The following ZFYVE19 variants were observed in gnomAD, a reference collection of about 807,000 sequenced individuals.
ZFYVE19 encodes zinc finger FYVE-type containing 19.
ZFYVE19 carries 49 observed loss-of-function variants against 62.8 expected under a neutral mutation model. That is an observed-to-expected ratio of 0.78 (90% CI 0.62 to 0.99). ZFYVE19 has a LOEUF of 0.99. Ranked by LOEUF, ZFYVE19 falls within the 50% of genes least tolerant of loss-of-function variation. The probability of loss-of-function intolerance (pLI) is 0.00; values close to 1 mark genes in which losing one functional copy is unlikely to be tolerated. For synonymous variants in ZFYVE19, 242 were observed against 234.3 expected (o/e 1.03, Z -0.30); for missense variants, 630 against 601.9 (o/e 1.05, Z -0.49).
intron 8 of ZFYVE19, 57 bp downstream of exon 8, chr15:40,813,474 C>T (rs1183558915): frequency 1.3e-6 from 2 of 1,494,916 alleles, no homozygotes; most frequent in South Asian, 1.2e-5. Context: ...CATTGCCCCA[C>T]CTCTACTCTG....
rs931291234 is a variant in ZFYVE19, at chr15:40,807,147, C to T, written c.-443C>T. 33 of 1,157,878 alleles carry T rather than the reference C, an allele frequency of 2.9e-5. No homozygotes were observed. The African/African-American group carries it at 5.0e-4, about 17-fold the overall frequency. 71.7% of individuals were successfully genotyped at this position (1,157,878 alleles called of 1,614,324 possible). A position where few individuals can be genotyped will look rare whatever the true frequency, so the allele number is the denominator to read the frequency against. On this transcript the variant is annotated 5_prime_UTR_variant, in exon 1 of 11. Coordinates refer to ENST00000355341, the MANE Select transcript of ZFYVE19 (RefSeq NM_001077268.2). ...GACAGGGGCCACGGGGAGAGCACAG[C>T]CACCCGGCGCGAAGAGCCCTCTGTA...
At chr15:40,808,555 A>G (rs1425331586) in intron 1 of ZFYVE19, 1 of 863,370 alleles carries the variant, frequency 1.2e-6, no homozygotes, top group South Asian at 1.8e-5. Context: ...CTTGGTTTGG[A>G]TAAGTTATGT....
chr15:40,813,464 C>T (rs768420234), intron 8 of ZFYVE19, 47 bp downstream of exon 8: 11 of 1,529,462 alleles, frequency 7.2e-6, no homozygotes, highest in Admixed American at 1.9e-5. Flanking sequence ...GTCTCCGCCT[C>T]ATTGCCCCAC....
intron 8 of ZFYVE19, 76 bp from the exon 9 acceptor site, chr15:40,813,637 C>T: frequency 7.3e-7 from 1 of 1,378,628 alleles, no homozygotes; most frequent in Non-Finnish European, 1.0e-6. Context: ...GCTAAGTCCA[C>T]AGTGCACAGA....
chr15:40,814,341 C>A lies in ZFYVE19; in HGVS notation c.*115C>A. On this transcript the variant is annotated 3_prime_UTR_variant, in exon 11 of 11. Transcript: ENST00000355341. ...TCTGGCTCTACTGATGATGGATAGG[C>A]CCCTTCCTGAGCCTTGGTGTCCCTG... The A allele has an allele frequency of 8.5e-7, 1 of 1,174,344 alleles. No homozygotes were observed. 72.7% of individuals were successfully genotyped at this position (1,174,344 alleles called of 1,614,324 possible). A position where few individuals can be genotyped will look rare whatever the true frequency, so the allele number is the denominator to read the frequency against.
At chr15:40,809,090 G>A in intron 1 of ZFYVE19, 29 bp from the exon 2 acceptor site, 5 of 1,610,610 alleles carry the variant, frequency 3.1e-6, no homozygotes, top group Non-Finnish European at 4.2e-6. Context: ...CGGGTGAGAG[G>A]GGGATCTCCC....
rs553092075 is a variant in ZFYVE19 at position 40,813,367 on chromosome 15, A to G, written c.1060A>G (p.Ser354Gly). The change falls in exon 8 of 11, where the codon AGT (serine) becomes GGT (glycine). Residue 354 changes from serine (S) to glycine (G), a missense_variant. Transcript: ENST00000355341. The part of the protein sequence containing the change: ...VTLQDYRLPD[S>G]DDDEDEETAI... ...CCTCCAGGACTATCGCCTCCCAGAC[A>G]GTGATGACGACGAGGATGAGGAGAC... The G allele has an allele frequency of 3.5e-5, 56 of 1,613,014 alleles. No individual in the cohort carries two copies. The highest frequency in any genetic ancestry group is 1.3e-4 in the East Asian group (6 of 44,838).
intron 1 of ZFYVE19, chr15:40,808,297 C>G: frequency 1.9e-6 from 3 of 1,597,852 alleles, no homozygotes; most frequent in Non-Finnish European, 2.5e-6. Context: ...ACCACACTTC[C>G]TCCTGCTTCC....
chr15:40,811,453 G>T (rs903865204), intron 6 of ZFYVE19, among the ~76,000 whole-genome samples: 7 of 152,140 alleles, frequency 4.6e-5, no homozygotes, highest in African/African-American at 1.4e-4. Context: ...TAGAAGCCAG[G>T]GATGCTACTA....
In ZFYVE19 at chr15:40,809,427, T is replaced by G. The variant is rs950178758; in HGVS notation, c.421T>G (p.Ser141Ala). 1 of 1,613,958 alleles carries G rather than the reference T, an allele frequency of 6.2e-7. No homozygotes were observed. Among genetic ancestry groups the G allele is most frequent in the African/African-American group, 1.3e-5 (1 of 74,896 alleles). Reference sequence around the variant, plus strand: ...CTGTAGAGGGTCTTCTGCCAATGCCTCCAAGTGGTCACCACCTCAGAACTA... The same window carrying G: ...CTGTAGAGGGTCTTCTGCCAATGCCGCCAAGTGGTCACCACCTCAGAACTA... Reference protein sequence around the residue: ...VLTRGSSANASKWSPPQNYKK... With the variant: ...VLTRGSSANAAKWSPPQNYKK... Residue 141 changes from serine to alanine, a missense_variant, in exon 3 of 11, where the codon TCC (serine) becomes GCC (alanine). Physicochemically the swap from Ser to Ala is moderately conservative, Grantham distance 99 (BLOSUM62 1). Coordinates refer to ENST00000355341, the MANE Select transcript of ZFYVE19 (RefSeq NM_001077268.2).
intron 5 of ZFYVE19, 69 bp downstream of exon 5, chr15:40,810,285 G>A (rs1890443528): frequency 6.4e-7 from 1 of 1,565,286 alleles, no homozygotes; most frequent in Admixed American, 2.0e-5. Flanking sequence ...CCAGATACAG[G>A]TATTGGGGTG....
Position 40,810,210 on chromosome 15 carries a change from C to G in ZFYVE19, c.711C>G (p.Pro237=), listed in dbSNP as rs773970404. 1 of 1,614,148 alleles carries G rather than the reference C, an allele frequency of 6.2e-7. No homozygotes were observed. Among genetic ancestry groups the G allele is most frequent in the Non-Finnish European group, 8.5e-7 (1 of 1,180,020 alleles). Reference sequence around the variant, plus strand: ...GCAGAGTTCTACCTTCTCAAACCCCCCAGCCGGTGAGTGTTATGGCTTAGG... The same window carrying G: ...GCAGAGTTCTACCTTCTCAAACCCCGCAGCCGGTGAGTGTTATGGCTTAGG... ...LQGRVLPSQT[P]QPAHHTPDTR... is the part of the protein sequence containing the mutation. Residue 237 remains proline, a synonymous_variant, in exon 5 of 11, where the codon CCC becomes CCG. Coordinates refer to ENST00000355341, the MANE Select transcript of ZFYVE19 (RefSeq NM_001077268.2).
Position 40,807,302 on chromosome 15 carries a change from C to T in ZFYVE19, c.-288C>T, listed in dbSNP as rs539893089. The T allele has an allele frequency of 4.2e-5, 68 of 1,613,384 alleles. No individual in the cohort carries two copies. The African/African-American group carries it at 8.8e-4, about 21-fold the overall frequency. On this transcript the variant is annotated 5_prime_UTR_variant, in exon 1 of 11. Transcript: ENST00000355341. ...CCTGGAGAGCGGATGCCAGCAGTGGCCGAGGCGCTAGGACAGGAAGGACCG... is the reference window on the plus strand; with the variant it reads ...CCTGGAGAGCGGATGCCAGCAGTGGTCGAGGCGCTAGGACAGGAAGGACCG...
intron 6 of ZFYVE19, among the ~76,000 whole-genome samples, chr15:40,812,138 C>A (rs1437079498): frequency 6.6e-6 from 1 of 152,162 alleles, no homozygotes; most frequent in Non-Finnish European, 1.5e-5. Flanking sequence ...TTGGAAAAGA[C>A]ATGGGTAAAA....
In ZFYVE19 at chr15:40,809,835, A is replaced by G. The variant is rs752408505; in HGVS notation, c.453-17A>G. 1.4e-5 allele frequency: 22 copies of G among 1,613,026 alleles called. No homozygotes were observed. Among genetic ancestry groups the G allele is most frequent in the Non-Finnish European group, 1.7e-5 (20 of 1,179,100 alleles). On this transcript the variant is annotated splice_polypyrimidine_tract_variant and intron_variant, in intron 3 of 10. Coordinates refer to ENST00000355341, the MANE Select transcript of ZFYVE19 (RefSeq NM_001077268.2). ...CCCTCTGCCTTCTTCAAGAGCCTCT[A>G]TCTCATATCCTGCCAGGCGTGTGGC...
chr15:40,811,741 T>C (rs556835252), intron 6 of ZFYVE19, among the ~76,000 whole-genome samples: 1 of 152,330 alleles, frequency 6.6e-6, no homozygotes, highest in East Asian at 1.9e-4. Context: ...CATACTATTC[T>C]TTTTTATAAA....
At chr15:40,812,605 AAAAAG>A (rs1317698412) in intron 6 of ZFYVE19, 89 bp from the exon 7 acceptor site, 6 of 924,388 alleles carry the variant, frequency 6.5e-6, no homozygotes, top group Admixed American at 5.7e-5. Context: ...ATTATTAAAG[AAAAAG>A]AAAAGAAAAG....
intron 6 of ZFYVE19, among the ~76,000 whole-genome samples, chr15:40,812,196 T>C (rs1040270864): frequency 1.1e-4 from 16 of 152,164 alleles, no homozygotes; most frequent in African/African-American, 3.9e-4. Flanking sequence ...TAATTTTATT[T>C]GTGATAGAAA....
rs1356853322 is a variant in ZFYVE19, at chr15:40,807,969, T to C, written c.279+101T>C. 143 of 1,409,126 alleles carry C rather than the reference T, an allele frequency of 1.0e-4. No individual in the cohort carries two copies. In the East Asian group the frequency reaches 3.4e-3, roughly 34 times the overall value. The allele number at this position is 1,409,126 out of a possible 1,614,324, so 87.3% of individuals were successfully genotyped here. On this transcript the variant is annotated intron_variant, in intron 1 of 10. Transcript: ENST00000355341. ...CTTGGTCTTACGGCTCCTTTCCAGC[T>C]GTGTGGTTTTGATGAAGTCATTGAT...
Sources: gnomAD v4.1 joint callset for allele counts (sites outside exome capture counted in the v4.1 genomes callset) on GRCh38, gnomAD v4.1.1 for gene constraint, MANE v1.5 for transcripts, NCBI Gene and HGNC (gene_info 2026-07-23, HGNC 2026-07-21) for gene names.